The following CNTNAP2 variants were observed in gnomAD, a reference collection of about 807,000 sequenced individuals.
CNTNAP2 encodes contactin-associated protein-like 2.
CNTNAP2 carries 98 observed loss-of-function variants against 155.2 expected under a neutral mutation model. The ratio of observed to expected loss-of-function variants is 0.63; its 90% confidence interval spans 0.54 to 0.75. The LOEUF is 0.75. Among genes scored for constraint, CNTNAP2 ranks in the 30% least tolerant of loss-of-function variants. CNTNAP2 has a pLI of 0.00. For missense variants in CNTNAP2, 1,727 were observed against 1,688.1 expected (o/e 1.02, Z -0.40); for synonymous variants, 651 against 631.2 (o/e 1.03, Z -0.47).
chr7:146,463,064 A>G (rs1286863053), intron 1 of CNTNAP2, among the ~76,000 whole-genome samples: 1 of 152,148 alleles, frequency 6.6e-6, no homozygotes, highest in Non-Finnish European at 1.5e-5. Context: ...AGAAAGAGGA[A>G]GTTGAATAGA....
chr7:147,070,312 A>G (rs740809), intron 4 of CNTNAP2, among the ~76,000 whole-genome samples: 108,799 of 152,146 alleles, frequency 0.72, 38,917 homozygotes, highest in East Asian at 0.75. Context: ...ATATAAATAG[A>G]CATAAATGCA....
chr7:147,320,924 T>C (rs773501022), intron 9 of CNTNAP2, among the ~76,000 whole-genome samples: 4 of 152,200 alleles, frequency 2.6e-5, no homozygotes, highest in Non-Finnish European at 5.9e-5. Context: ...GCTGAAGTCA[T>C]TGAAAGGGCA....
intron 3 of CNTNAP2, among the ~76,000 whole-genome samples, chr7:147,034,806 CCT>C (rs1799116583): frequency 6.6e-6 from 1 of 152,158 alleles, no homozygotes; most frequent in Non-Finnish European, 1.5e-5. Context: ...CTTTTCCACT[CCT>C]CTGCTCCTCT....
intron 1 of CNTNAP2, among the ~76,000 whole-genome samples, chr7:146,191,997 G>A (rs1356931249): frequency 1.3e-5 from 2 of 152,172 alleles, no homozygotes; most frequent in Non-Finnish European, 2.9e-5. Flanking sequence ...GAAATCACAA[G>A]AGTATTGACT....
At chr7:147,436,980 A>C (rs1230605467) in intron 10 of CNTNAP2, among the ~76,000 whole-genome samples, 1 of 152,134 alleles carries the variant, frequency 6.6e-6, no homozygotes, top group African/African-American at 2.4e-5. Flanking sequence ...TTGTTTTCTA[A>C]AGTAAATGCT....
intron 3 of CNTNAP2, among the ~76,000 whole-genome samples, chr7:147,020,399 T>C (rs1049490268): frequency 2.6e-5 from 4 of 152,032 alleles, no homozygotes; most frequent in African/African-American, 7.3e-5. Flanking sequence ...TCTGGAATGA[T>C]AGATGCGCAC....
intron 5 of CNTNAP2, 136 bp from the exon 6 acceptor site, chr7:147,120,843 G>T: frequency 1.3e-6 from 1 of 792,980 alleles, no homozygotes; most frequent in Non-Finnish European, 2.1e-6. Context: ...TTACTTACTG[G>T]TATCCCAGGT....
intron 13 of CNTNAP2, among the ~76,000 whole-genome samples, chr7:147,659,663 T>G (rs1795582728): frequency 6.6e-6 from 1 of 152,200 alleles, no homozygotes; most frequent in Non-Finnish European, 1.5e-5. Context: ...AATTAATTTA[T>G]AGCCACATAT....
intron 1 of CNTNAP2, among the ~76,000 whole-genome samples, chr7:146,244,092 A>G (rs370201319): frequency 1.8e-4 from 27 of 152,296 alleles, no homozygotes; most frequent in East Asian, 1.2e-3. Context: ...TATGAATTGA[A>G]AAACTAAATG....
intron 1 of CNTNAP2, among the ~76,000 whole-genome samples, chr7:146,232,593 C>T (rs895836387): frequency 5.3e-5 from 8 of 152,086 alleles, no homozygotes; most frequent in Non-Finnish European, 1.2e-4. Flanking sequence ...TGCTGTGGAA[C>T]ACTTCTCCTG....
At chr7:148,261,667 G>T (rs554948584) in intron 20 of CNTNAP2, among the ~76,000 whole-genome samples, 47 of 152,308 alleles carry the variant, frequency 3.1e-4, no homozygotes, top group South Asian at 1.9e-3. Context: ...GAGTGCAGGT[G>T]GGGGAGCAGG....
intron 2 of CNTNAP2, among the ~76,000 whole-genome samples, chr7:146,779,912 A>T (rs556283893): frequency 1.4e-4 from 22 of 152,280 alleles, no homozygotes; most frequent in African/African-American, 4.8e-4. Context: ...GTTTGGAGAG[A>T]CTGCTAGAAT....
intron 1 of CNTNAP2, among the ~76,000 whole-genome samples, chr7:146,171,770 T>A (rs1210917818): frequency 6.6e-6 from 1 of 152,138 alleles, no homozygotes; most frequent in Non-Finnish European, 1.5e-5. Flanking sequence ...AATAAACTTT[T>A]AAAAATATTG....
intron 1 of CNTNAP2, among the ~76,000 whole-genome samples, chr7:146,303,949 T>A (rs562136371): frequency 1.3e-5 from 2 of 152,252 alleles, no homozygotes; most frequent in South Asian, 2.1e-4. Flanking sequence ...ATCTGGGTGC[T>A]CCTATATTGG....
intron 21 of CNTNAP2, among the ~76,000 whole-genome samples, chr7:148,300,317 G>A (rs1408061164): frequency 6.6e-6 from 1 of 152,142 alleles, no homozygotes; most frequent in African/African-American, 2.4e-5. Flanking sequence ...TGGAATATAT[G>A]TAGAAATACA....
chr7:146,678,043 A>G (rs939939304), intron 1 of CNTNAP2, among the ~76,000 whole-genome samples: 1 of 152,112 alleles, frequency 6.6e-6, no homozygotes, highest in African/African-American at 2.4e-5. Context: ...TATAATTTAT[A>G]CACATATAAA....
intron 3 of CNTNAP2, among the ~76,000 whole-genome samples, chr7:147,010,679 T>C (rs185757851): frequency 6.6e-6 from 1 of 152,080 alleles, no homozygotes; most frequent in East Asian, 1.9e-4. Flanking sequence ...AAGACATGAG[T>C]AAATAAATGG....
rs371838145 is a variant in CNTNAP2 at position 148,415,529 on chromosome 7, G to A, written c.3909G>A (p.Ser1303=). The A allele has an allele frequency of 1.9e-5, 30 of 1,614,224 alleles. 1 individual carries two copies. The highest frequency in any genetic ancestry group is 1.7e-4 in the African/African-American group (13 of 75,062). The stretch of plus-strand genomic sequence containing the variant: ...CCAACGAAGCAAAGGGGGCGGAGTC[G>A]GCAGAGAGCGCGGACGCCGCCATCA... ...YHTNEAKGAE[S]AESADAAIMN... is the part of the protein sequence containing the mutation. Residue 1303 remains serine (S), a synonymous_variant, in exon 24 of 24, where the codon TCG becomes TCA. Coordinates refer to ENST00000361727, the MANE Select transcript of CNTNAP2 (RefSeq NM_014141.6).
chr7:147,799,573 T>G (rs955973637), intron 13 of CNTNAP2, among the ~76,000 whole-genome samples: 2 of 152,214 alleles, frequency 1.3e-5, no homozygotes, highest in Non-Finnish European at 2.9e-5. Context: ...ATCTTTTTCC[T>G]GTTCAGTAGT....
Sources: gnomAD v4.1 joint callset for allele counts (sites outside exome capture counted in the v4.1 genomes callset) on GRCh38, gnomAD v4.1.1 for gene constraint, MANE v1.5 for transcripts, NCBI Gene and HGNC (gene_info 2026-07-23, HGNC 2026-07-21) for gene names.